LRP1B: variants seen among roughly 807,000 people sequenced by gnomAD.
LRP1B encodes low-density lipoprotein receptor-related protein 1B.
Under a neutral mutation model 556.6 loss-of-function variants are expected in LRP1B, and 217 were observed. The ratio of observed to expected loss-of-function variants is 0.39; its 90% confidence interval spans 0.35 to 0.44. The LOEUF (loss-of-function observed/expected upper bound fraction) is 0.44. Among genes scored for constraint, LRP1B ranks in the 20% least tolerant of loss-of-function variants. The pLI is 1.00. For missense variants in LRP1B, 5,053 were observed against 5,620.8 expected (o/e 0.90, Z 3.23); for synonymous variants, 2,047 against 1,865.8 (o/e 1.10, Z -2.50).
chr2:140,682,254 A>G (rs1486015124), intron 41 of LRP1B, among the ~76,000 whole-genome samples: 2 of 152,160 alleles, frequency 1.3e-5, no homozygotes, highest in Non-Finnish European at 2.9e-5. Context: ...TGTGTGCTGT[A>G]TAATTCTGTC....
intron 8 of LRP1B, among the ~76,000 whole-genome samples, chr2:141,059,826 G>T (rs1162984518): frequency 6.6e-6 from 1 of 151,744 alleles, no homozygotes; most frequent in Non-Finnish European, 1.5e-5. Context: ...GCAAAAAGAA[G>T]AATACATGTG....
chr2:141,642,553 G>T (rs1249490986), intron 2 of LRP1B, among the ~76,000 whole-genome samples: 1 of 151,988 alleles, frequency 6.6e-6, no homozygotes, highest in East Asian at 1.9e-4. Context: ...AGAATATATA[G>T]ACCTTCTTAA....
intron 84 of LRP1B, among the ~76,000 whole-genome samples, chr2:140,292,657 G>T (rs1474462232): frequency 6.6e-6 from 1 of 152,114 alleles, no homozygotes; most frequent in African/African-American, 2.4e-5. Flanking sequence ...TCATTAAATT[G>T]ACCTATAATA....
At chr2:140,664,162 A>C (rs1685189359) in intron 41 of LRP1B, among the ~76,000 whole-genome samples, 1 of 152,194 alleles carries the variant, frequency 6.6e-6, no homozygotes, top group Admixed American at 6.6e-5. Flanking sequence ...AATTACCATA[A>C]CAGATATAAT....
intron 2 of LRP1B, among the ~76,000 whole-genome samples, chr2:141,666,892 C>A (rs1257191828): frequency 6.6e-6 from 1 of 152,140 alleles, no homozygotes; most frequent in Non-Finnish European, 1.5e-5. Context: ...TCATTAAACA[C>A]AAGAGCATTA....
At chr2:141,601,893 C>T (rs879273) in intron 2 of LRP1B, among the ~76,000 whole-genome samples, 3,558 of 152,150 alleles carry the variant, frequency 0.023, 137 homozygotes, top group African/African-American at 0.082. Flanking sequence ...TGAGCCACCG[C>T]GTCCGGCCTT....
At chr2:140,615,654 T>C (rs1574146365) in intron 41 of LRP1B, among the ~76,000 whole-genome samples, 1 of 152,090 alleles carries the variant, frequency 6.6e-6, no homozygotes, top group Non-Finnish European at 1.5e-5. Flanking sequence ...AGTGTTTCTC[T>C]TAGCTATTAG....
chr2:140,503,177 A>G, intron 53 of LRP1B, 74 bp from the exon 54 acceptor site: 1 of 1,308,424 alleles, frequency 7.6e-7, no homozygotes, highest in Admixed American at 1.8e-5. Context: ...CTCAATGTAC[A>G]CTACACCGGA....
At position 141,167,200 on chromosome 2, in the gene LRP1B, CTTGTT is replaced by C. The variant is rs372633560; in HGVS notation, c.1013+21216_1013+21220del. The stretch of plus-strand genomic sequence containing the variant: ...TATCATTTTACCACTCTTTACTACA[CTTGTT>C]TTATCATTTCACGCTCAAACACACA... On this transcript the variant is annotated intron_variant, in intron 7 of 90. Coordinates refer to ENST00000389484, the MANE Select transcript of LRP1B (RefSeq NM_018557.3). The C allele has an allele frequency of 2.1e-4, 32 of 151,990 alleles. No homozygotes were observed. In the East Asian group the frequency reaches 6.0e-3, roughly 29 times the overall value. The allele number at this position is 151,990 out of a possible 1,614,324, so 9.4% of individuals were successfully genotyped here.
intron 2 of LRP1B, among the ~76,000 whole-genome samples, chr2:141,483,138 G>C (rs1486100562): frequency 1.6e-5 from 2 of 126,130 alleles, no homozygotes; most frequent in Non-Finnish European, 3.1e-5. Context: ...ACAGTCCCTG[G>C]AGTGTGATGT....
chr2:141,602,597 A>T (rs1168933528), intron 2 of LRP1B, among the ~76,000 whole-genome samples: 1 of 152,194 alleles, frequency 6.6e-6, no homozygotes, highest in African/African-American at 2.4e-5. Flanking sequence ...CTCAAAATAT[A>T]TCTCTTTCAC....
intron 2 of LRP1B, among the ~76,000 whole-genome samples, chr2:141,547,157 C>T (rs1446522516): frequency 6.6e-6 from 1 of 152,116 alleles, no homozygotes; most frequent in Admixed American, 6.6e-5. Context: ...ACTGGTTCTT[C>T]TCTCAATGTT....
At chr2:141,530,714 A>T (rs1424660304) in intron 2 of LRP1B, among the ~76,000 whole-genome samples, 2 of 152,114 alleles carry the variant, frequency 1.3e-5, no homozygotes, top group Non-Finnish European at 2.9e-5. Context: ...GCCTTAGGAG[A>T]TCATCTGAAT....
At chr2:140,744,210 AC>A (rs1199485139) in intron 35 of LRP1B, among the ~76,000 whole-genome samples, 1 of 151,806 alleles carries the variant, frequency 6.6e-6, no homozygotes, top group East Asian at 1.9e-4. Flanking sequence ...ATATACATAT[AC>A]CATTGCATTG....
chr2:140,462,147 C>T (rs1013875503), intron 60 of LRP1B, among the ~76,000 whole-genome samples: 1 of 152,104 alleles, frequency 6.6e-6, no homozygotes, highest in East Asian at 1.9e-4. Flanking sequence ...ATCCTACTAT[C>T]TTTTTCTTTT....
Position 140,344,746 on chromosome 2 carries a change from A to G in LRP1B, c.11892+6051T>C, listed in dbSNP as rs1681566556. Among the ~76,000 whole-genome samples the G allele has an allele frequency of 2.0e-5, 3 of 151,788 alleles. No homozygotes were observed. In the Admixed American group the frequency reaches 2.0e-4, roughly 10 times the overall value. ...AGTTGGACAGGGGATGATATCAATT[A>G]TGTTAGCATGTCGATATATGTTAAA... On this transcript the variant is annotated intron_variant, in intron 77 of 90. Transcript: ENST00000389484.
At chr2:140,528,652 G>A (rs1439839611) in intron 47 of LRP1B, among the ~76,000 whole-genome samples, 1 of 151,836 alleles carries the variant, frequency 6.6e-6, no homozygotes, top group Non-Finnish European at 1.5e-5. Context: ...TAGGGTTTGA[G>A]AACCACCAGA....
chr2:141,211,666 G>T (rs1328565973), intron 6 of LRP1B, among the ~76,000 whole-genome samples: 1 of 152,076 alleles, frequency 6.6e-6, no homozygotes, highest in Non-Finnish European at 1.5e-5. Flanking sequence ...GCTTTTTATG[G>T]CTATGTACGG....
intron 66 of LRP1B, among the ~76,000 whole-genome samples, chr2:140,437,890 CA>C (rs1331439912): frequency 1.3e-5 from 2 of 151,770 alleles, no homozygotes; most frequent in African/African-American, 4.8e-5. Context: ...TATCTTATAC[CA>C]AATTTTAAAA....
Sources: gnomAD v4.1 joint callset for allele counts (sites outside exome capture counted in the v4.1 genomes callset) on GRCh38, gnomAD v4.1.1 for gene constraint, MANE v1.5 for transcripts, NCBI Gene and HGNC (gene_info 2026-07-23, HGNC 2026-07-21) for gene names.